Variants in NXPH1 observed in about 807,000 individuals in gnomAD.
NXPH1 encodes neurexophilin 1, also known as neurexophilin-1.
A neutral mutation model predicts 23.7 loss-of-function variants in NXPH1; 5 were observed. The ratio of observed to expected loss-of-function variants is 0.21; its 90% CI spans 0.11 to 0.44. NXPH1 has a LOEUF of 0.44. Ranked by LOEUF, NXPH1 falls within the 20% of genes least tolerant of loss-of-function variation. The probability of loss-of-function intolerance (pLI) is 0.99; values close to 1 mark genes in which losing one functional copy is unlikely to be tolerated. For synonymous variants in NXPH1, 144 were observed against 122.2 expected (o/e 1.18, Z -1.18); for missense variants, 324 against 321.6 (o/e 1.01, Z -0.06).
At chr7:8,737,533 A>G (rs1780282248) in intron 2 of NXPH1, among the ~76,000 whole-genome samples, 1 of 152,168 alleles carries the variant, frequency 6.6e-6, no homozygotes, top group Non-Finnish European at 1.5e-5. Context: ...CTTTGTGGGT[A>G]ACCTGACCTT....
At chr7:8,512,061 G>A (rs1584202752) in intron 2 of NXPH1, among the ~76,000 whole-genome samples, 1 of 152,208 alleles carries the variant, frequency 6.6e-6, no homozygotes, top group Non-Finnish European at 1.5e-5. Flanking sequence ...CTTGACAGCT[G>A]CCAAACTAGC....
chr7:8,701,980 G>T (rs1779629900), intron 2 of NXPH1, among the ~76,000 whole-genome samples: 1 of 150,938 alleles, frequency 6.6e-6, no homozygotes, highest in East Asian at 1.9e-4. Context: ...TGAATAAAAT[G>T]TACCAATTTA....
intron 2 of NXPH1, among the ~76,000 whole-genome samples, chr7:8,657,371 C>T (rs1269087305): frequency 2.0e-5 from 3 of 152,166 alleles, no homozygotes; most frequent in Non-Finnish European, 4.4e-5. Flanking sequence ...TTGAAACTTC[C>T]TGCCTTAGGT....
At chr7:8,730,918 T>G (rs1240991500) in intron 2 of NXPH1, among the ~76,000 whole-genome samples, 1 of 151,052 alleles carries the variant, frequency 6.6e-6, no homozygotes, top group Non-Finnish European at 1.5e-5. Flanking sequence ...TTCTCCTGGA[T>G]AATATCCTGC....
Position 8,577,413 on chromosome 7 carries a change from T to C in NXPH1, c.54+141646T>C, listed in dbSNP as rs529536202. Among the ~76,000 whole-genome samples, 139 of 152,308 alleles carry C rather than the reference T, an allele frequency of 9.1e-4. 1 individual carries two copies. The highest frequency in any genetic ancestry group is 3.2e-3 in the African/African-American group (132 of 41,562). ...AGAGTAACAATCTTCTTTGCTGTGG[T>C]GATTGGGGAATATGTATGTGTAGTT... On this transcript the variant is annotated intron_variant, in intron 2 of 2. Coordinates refer to ENST00000405863, the MANE Select transcript of NXPH1 (RefSeq NM_152745.3).
At chr7:8,696,331 A>G (rs1172553403) in intron 2 of NXPH1, among the ~76,000 whole-genome samples, 2 of 152,234 alleles carry the variant, frequency 1.3e-5, no homozygotes, top group Non-Finnish European at 2.9e-5. Flanking sequence ...CTATGGGGAC[A>G]TTGGGCACAG....
intron 2 of NXPH1, among the ~76,000 whole-genome samples, chr7:8,529,993 A>G (rs1285434961): frequency 6.6e-6 from 1 of 152,236 alleles, no homozygotes; most frequent in African/African-American, 2.4e-5. Flanking sequence ...ACTTTGAAGT[A>G]ATCACTAGTT....
intron 2 of NXPH1, among the ~76,000 whole-genome samples, chr7:8,604,243 T>G (rs1819427247): frequency 6.6e-6 from 1 of 152,166 alleles, no homozygotes; most frequent in Admixed American, 6.6e-5. Flanking sequence ...TTTTTTAAAC[T>G]TGTTGATTCA....
intron 2 of NXPH1, among the ~76,000 whole-genome samples, chr7:8,452,343 G>A (rs1816520765): frequency 6.6e-6 from 1 of 152,100 alleles, no homozygotes; most frequent in Non-Finnish European, 1.5e-5. Flanking sequence ...CACCACTGAT[G>A]AAACTTCAGT....
Position 8,718,467 on chromosome 7 carries a change from C to A in NXPH1, c.55-32541C>A, listed in dbSNP as rs558994531. Among the ~76,000 whole-genome samples, 33 of 152,212 alleles carry A rather than the reference C, an allele frequency of 2.2e-4. No individual in the cohort carries two copies. The Middle Eastern group carries it at 0.02, about 94-fold the overall frequency. On this transcript the variant is annotated intron_variant, in intron 2 of 2. Coordinates refer to ENST00000405863, the MANE Select transcript of NXPH1 (RefSeq NM_152745.3). Reference sequence around the variant, plus strand: ...GAAAACTCTGTTAGACATTTTAACCCAATTTAATTTATTCCCTGAAAGTTT... The same window carrying A: ...GAAAACTCTGTTAGACATTTTAACCAAATTTAATTTATTCCCTGAAAGTTT...
chr7:8,713,660 A>G (rs1156553960), intron 2 of NXPH1, among the ~76,000 whole-genome samples: 1 of 152,218 alleles, frequency 6.6e-6, no homozygotes, highest in Non-Finnish European at 1.5e-5. Context: ...CACTGCAGCC[A>G]TATCTGCATT....
intron 2 of NXPH1, among the ~76,000 whole-genome samples, chr7:8,565,262 G>A (rs1424565497): frequency 6.6e-6 from 1 of 151,778 alleles, no homozygotes; most frequent in Non-Finnish European, 1.5e-5. Context: ...TCATTTGAGT[G>A]TCAATTTCTT....
chr7:8,503,909 CTA>C (rs1817479891), intron 2 of NXPH1, among the ~76,000 whole-genome samples: 1 of 152,018 alleles, frequency 6.6e-6, no homozygotes, highest in Non-Finnish European at 1.5e-5. Context: ...CTATTAAAGA[CTA>C]TTCCCTCAGT....
At chr7:8,683,061 C>T (rs116574114) in intron 2 of NXPH1, among the ~76,000 whole-genome samples, 2 of 152,180 alleles carry the variant, frequency 1.3e-5, no homozygotes, top group South Asian at 4.1e-4. Context: ...GCTTGGAGTT[C>T]TGCAAACTGT....
intron 2 of NXPH1, among the ~76,000 whole-genome samples, chr7:8,675,668 A>G (rs866382298): frequency 2.6e-5 from 4 of 152,278 alleles, no homozygotes; most frequent in South Asian, 4.2e-4. Flanking sequence ...TCGGACAGAT[A>G]GAGTGATGAT....
chr7:8,599,102 A>G (rs1208047191), intron 2 of NXPH1, among the ~76,000 whole-genome samples: 3 of 152,192 alleles, frequency 2.0e-5, no homozygotes, highest in African/African-American at 7.2e-5. Context: ...AGTTAACTCA[A>G]ATACAATGTA....
intron 2 of NXPH1, among the ~76,000 whole-genome samples, chr7:8,514,694 G>C (rs1339376043): frequency 2.0e-5 from 3 of 152,050 alleles, no homozygotes; most frequent in Non-Finnish European, 2.9e-5. Flanking sequence ...TGTAAGTTCT[G>C]TACATCTCTC....
intron 2 of NXPH1, among the ~76,000 whole-genome samples, chr7:8,594,719 A>G (rs1236829163): frequency 1.3e-5 from 2 of 151,956 alleles, no homozygotes; most frequent in African/African-American, 2.4e-5. Flanking sequence ...ATTTCTTTGG[A>G]AGTCGACTTG....
rs1459993277 is a variant in NXPH1, at chr7:8,433,788, T to A, written c.-1078T>A. Among the ~76,000 whole-genome samples the A allele has an allele frequency of 6.6e-6, 1 of 151,964 alleles. No homozygotes were observed. Among genetic ancestry groups the A allele is most frequent in the African/African-American group, 2.4e-5 (1 of 41,394 alleles). On this transcript the variant is annotated 5_prime_UTR_variant, in exon 1 of 3. Transcript: ENST00000405863. The surrounding 1 kb of genome is among the most constrained non-coding windows in gnomAD (Gnocchi z 6.8). ...CCGGCTGCTCTTCCCGCCACTCCCCTGGGCTTTGCGATCTTCCCTACGCCC... is the reference window on the plus strand; with the variant it reads ...CCGGCTGCTCTTCCCGCCACTCCCCAGGGCTTTGCGATCTTCCCTACGCCC...
Sources: allele counts gnomAD v4.1 joint callset (sites outside exome capture counted in the v4.1 genomes callset), GRCh38; gene constraint gnomAD v4.1.1; non-coding constraint Gnocchi (gnomAD v3.1); transcripts MANE v1.5; gene names NCBI Gene and HGNC (gene_info 2026-07-23, HGNC 2026-07-21).